The following ZNF490 variants were observed in gnomAD, a reference collection of about 807,000 sequenced individuals.
ZNF490 encodes the protein zinc finger protein 490.
A neutral mutation model predicts 17.7 loss-of-function variants in ZNF490; 11 were observed. That is an observed-to-expected ratio of 0.62 (90% CI 0.39 to 1.03). The LOEUF (loss-of-function observed/expected upper bound fraction) is 1.03, where lower values mean the gene tolerates loss of function less well. ZNF490 is among the 50% of genes least tolerant of loss of function. The pLI is 0.00. For missense variants in ZNF490, 542 were observed against 643.4 expected (o/e 0.84, Z 1.71); for synonymous variants, 222 against 216.1 (o/e 1.03, Z -0.24).
intron 2 of ZNF490, among the ~76,000 whole-genome samples, chr19:12,585,219 G>A (rs1363133905): frequency 1.1e-5 from 1 of 93,824 alleles, no homozygotes; most frequent in Non-Finnish European, 2.9e-5. Context: ...GGTACACAGT[G>A]GAAACTGAGG....
chr19:12,596,101 C>T (rs2022929363), intron 2 of ZNF490, among the ~76,000 whole-genome samples: 1 of 151,692 alleles, frequency 6.6e-6, no homozygotes, highest in African/African-American at 2.4e-5. Context: ...CCCATCTCTA[C>T]TAAAAATACA....
chr19:12,583,785 CTCTCTCTATA>C (rs1379771237), intron 2 of ZNF490, among the ~76,000 whole-genome samples: 28 of 88,100 alleles, frequency 3.2e-4, no homozygotes, highest in South Asian at 3.8e-4. Context: ...CTCTCTCTCT[CTCTCTCTATA>C]TATATATATA....
intron 2 of ZNF490, among the ~76,000 whole-genome samples, chr19:12,602,115 CACACACACACACAT>C (rs1289068643): frequency 4.0e-5 from 6 of 150,898 alleles, no homozygotes; most frequent in East Asian, 4.0e-4. Flanking sequence ...CACACACACA[CACACACACACACAT>C]ATATGGGCCT....
chr19:12,580,641 C>T lies in ZNF490; in HGVS notation c.1434G>A (p.Gln478=), dbSNP rs1279389822. 1.2e-6 allele frequency: 2 copies of T among 1,614,216 alleles called. No individual in the cohort carries two copies. Among genetic ancestry groups the T allele is most frequent in the East Asian group, 2.2e-5 (1 of 44,884 alleles). The change falls in exon 5 of 5, where the codon CAG becomes CAA. Residue 478 remains glutamine, a synonymous_variant. Coordinates refer to ENST00000311437, the MANE Select transcript of ZNF490 (RefSeq NM_020714.3). ...TTAAACAAGTGAAAGCTTTGCCACACTGCTTACACTCACATGGTTTCACTC... is the reference window on the plus strand; with the variant it reads ...TTAAACAAGTGAAAGCTTTGCCACATTGCTTACACTCACATGGTTTCACTC... ...HTGVKPCECK[Q]CGKAFTCLNS...
Position 12,584,052 on chromosome 19 carries a change from C to T in ZNF490, c.163-496G>A, listed in dbSNP as rs537914914. 2.0e-3 allele frequency among the ~76,000 whole-genome samples: 297 copies of T among 146,888 alleles called. 28 individuals carry two copies. The South Asian group carries it at 0.027, about 13-fold the overall frequency. ...GTTTCCATCTCCTGACCTCGTGATC[C>T]GCCCGCCTCGGCCTCCCAGAGTGCT... is the stretch of plus-strand genomic sequence containing the variant. On this transcript the variant is annotated intron_variant, in intron 2 of 4. Transcript: ENST00000311437.
chr19:12,599,156 A>G (rs938692163), intron 2 of ZNF490, among the ~76,000 whole-genome samples: 5 of 147,884 alleles, frequency 3.4e-5, no homozygotes, highest in Non-Finnish European at 4.5e-5. Context: ...AAAAAAAAAA[A>G]AAAAAAGAAA....
chr19:12,597,929 A>G (rs981225852), intron 2 of ZNF490, among the ~76,000 whole-genome samples: 5 of 152,190 alleles, frequency 3.3e-5, no homozygotes, highest in Non-Finnish European at 7.3e-5. Flanking sequence ...TTAAAAATTA[A>G]GAAATATAGA....
At chr19:12,588,016 C>T (rs1393940935) in intron 2 of ZNF490, among the ~76,000 whole-genome samples, 1 of 94,764 alleles carries the variant, frequency 1.1e-5, no homozygotes, top group African/African-American at 3.2e-5. Flanking sequence ...ATTGCAGGCA[C>T]CTGCCACCAC....
At chr19:12,598,904 T>C (rs2022967190) in intron 2 of ZNF490, among the ~76,000 whole-genome samples, 1 of 151,278 alleles carries the variant, frequency 6.6e-6, no homozygotes, top group Non-Finnish European at 1.5e-5. Flanking sequence ...GGAAAATAGC[T>C]TGAACCTGGG....
At chr19:12,603,681 ACT>A (rs776779413) in intron 2 of ZNF490, among the ~76,000 whole-genome samples, 6 of 151,444 alleles carry the variant, frequency 4.0e-5, no homozygotes, top group Non-Finnish European at 8.8e-5. Flanking sequence ...AGTCCCAGCT[ACT>A]CAGGAGGCTG....
Position 12,578,670 on chromosome 19 carries a change from A to C in ZNF490, c.*1815T>G. 2 of 985,478 alleles carry C rather than the reference A, an allele frequency of 2.0e-6. No homozygotes were observed. The highest frequency in any genetic ancestry group is 2.4e-6 in the Non-Finnish European group (2 of 829,958). The allele number at this position is 985,478 out of a possible 1,614,324, so 61.0% of individuals were successfully genotyped here. A position where few individuals can be genotyped will look rare whatever the true frequency, so the allele number is the denominator to read the frequency against. On this transcript the variant is annotated 3_prime_UTR_variant, in exon 5 of 5. Coordinates refer to ENST00000311437, the MANE Select transcript of ZNF490 (RefSeq NM_020714.3). Reference sequence around the variant, plus strand: ...TTTGTCTTAGAAGTACAGCATTCCCACAGTCTGACCCGAGGACACTGATGG... The same window carrying C: ...TTTGTCTTAGAAGTACAGCATTCCCCCAGTCTGACCCGAGGACACTGATGG...
In ZNF490 at chr19:12,581,404, C is replaced by A; in HGVS notation, c.671G>T (p.Cys224Phe). 6.2e-7 allele frequency: 1 copy of A among 1,614,172 alleles called. No individual in the cohort carries two copies. The highest frequency in any genetic ancestry group is 8.5e-7 in the Non-Finnish European group (1 of 1,180,018). Residue 224 changes from cysteine (C) to phenylalanine (F), a missense_variant, in exon 5 of 5, where the codon TGT (cysteine) becomes TTT (phenylalanine). Coordinates refer to ENST00000311437, the MANE Select transcript of ZNF490 (RefSeq NM_020714.3). ...RIHTGEKPYE[C>F]KECGKAFAFL... ...TGCGAAGGCTTTGCCACATTCCTTA[C>A]ATTCATAGGGTTTCTCTCCAGTGTG...
At position 12,579,579 on chromosome 19, in the gene ZNF490, G is replaced by A. The variant is rs1468681431; in HGVS notation, c.*906C>T. On this transcript the variant is annotated 3_prime_UTR_variant, in exon 5 of 5. Coordinates refer to ENST00000311437, the MANE Select transcript of ZNF490 (RefSeq NM_020714.3). ...TAAAACGAACAATTTGGGAGGCCAA[G>A]GTGGGTGGATCATTTGAGGTCAAGA... 2 of 151,482 alleles carry A rather than the reference G, an allele frequency of 1.3e-5. No homozygotes were observed. The highest frequency in any genetic ancestry group is 1.3e-4 in the Admixed American group (2 of 15,168). 9.4% of individuals were successfully genotyped at this position (151,482 alleles called of 1,614,324 possible).
rs1437194493 is a variant in ZNF490, at chr19:12,579,704, GGAAGGCTGAGGCA to G, written c.*768_*780del. The G allele has an allele frequency of 1.3e-5, 2 of 152,244 alleles. No homozygotes were observed. The highest frequency in any genetic ancestry group is 3.8e-4 in the East Asian group (2 of 5,200). 9.4% of individuals were successfully genotyped at this position (152,244 alleles called of 1,614,324 possible). On this transcript the variant is annotated 3_prime_UTR_variant, in exon 5 of 5. Transcript: ENST00000311437. ...TGGGCACTTGTAATCCCAGCTACTT[GGAAGGCTGAGGCA>G]GAAGAATTGCTTGAACCCAGAGGTT...
chr19:12,603,189 A>G (rs2023027195), intron 2 of ZNF490, among the ~76,000 whole-genome samples: 2 of 152,084 alleles, frequency 1.3e-5, no homozygotes, highest in Admixed American at 6.6e-5. Flanking sequence ...AAGCGACTAG[A>G]GCAATTGGAG....
chr19:12,602,360 A>G (rs1363513943), intron 2 of ZNF490, among the ~76,000 whole-genome samples: 1 of 152,132 alleles, frequency 6.6e-6, no homozygotes, highest in Non-Finnish European at 1.5e-5. Context: ...CAGCCTGGCC[A>G]ACAGGGTGAA....
intron 2 of ZNF490, chr19:12,597,123 C>T (rs1486691995): frequency 2.2e-6 from 1 of 461,924 alleles, no homozygotes; most frequent in Non-Finnish European, 4.4e-6. Flanking sequence ...CCTCAGGTCT[C>T]GGGACTCCCG....
At chr19:12,597,289 T>TGTTC in intron 2 of ZNF490, 1 of 433,272 alleles carries the variant, frequency 2.3e-6, no homozygotes, top group Non-Finnish European at 4.7e-6. Flanking sequence ...AGAATAAGGA[T>TGTTC]GTTCACACGC....
Position 12,587,769 on chromosome 19 carries a change from C to T in ZNF490, c.163-4213G>A, listed in dbSNP as rs1182451050. Among the ~76,000 whole-genome samples the T allele has an allele frequency of 7.5e-5, 7 of 93,126 alleles. 3 individuals are homozygous for T. The highest frequency in any genetic ancestry group is 5.8e-5 in the Non-Finnish European group (2 of 34,666). 61.1% of individuals were successfully genotyped at this position (93,126 alleles called of 152,430 possible). ...GGAGTGCAGTGGCGCAATCTTGGCT[C>T]ACTGCAACCTCCACCTCCCGGGTTC... On this transcript the variant is annotated intron_variant, in intron 2 of 4. Transcript: ENST00000311437.
Sources: gnomAD v4.1 joint callset for allele counts (sites outside exome capture counted in the v4.1 genomes callset) on GRCh38, gnomAD v4.1.1 for gene constraint, MANE v1.5 for transcripts, NCBI Gene and HGNC (gene_info 2026-07-23, HGNC 2026-07-21) for gene names.